Variants in PTPRO observed in about 807,000 individuals in gnomAD.
PTPRO encodes the protein receptor-type tyrosine-protein phosphatase O.
In PTPRO, 62 loss-of-function variants were observed where a neutral mutation model predicts 145.2. The ratio of observed to expected loss-of-function variants is 0.43; its 90% CI spans 0.35 to 0.53. PTPRO has a LOEUF of 0.53. Among genes scored for constraint, PTPRO ranks in the 20% least tolerant of loss-of-function variants. The probability of loss-of-function intolerance (pLI) is 0.01; values close to 1 mark genes in which losing one functional copy is unlikely to be tolerated. For synonymous variants in PTPRO, 565 were observed against 514.7 expected (o/e 1.10, Z -1.32); for missense variants, 1,345 against 1,482.7 (o/e 0.91, Z 1.53).
At chr12:15,573,182 C>T (rs1016924180) in intron 19 of PTPRO, among the ~76,000 whole-genome samples, 1 of 152,108 alleles carries the variant, frequency 6.6e-6, no homozygotes, top group Non-Finnish European at 1.5e-5. Flanking sequence ...GGCAGGCTGG[C>T]AGGCTGGAGA....
intron 23 of PTPRO, 141 bp downstream of exon 23, chr12:15,581,942 A>C (rs1196541572): frequency 2.6e-6 from 3 of 1,153,430 alleles, no homozygotes; most frequent in Admixed American, 4.0e-5. Context: ...GTGGGAAATC[A>C]GGGGTCTCAC....
intron 1 of PTPRO, among the ~76,000 whole-genome samples, chr12:15,436,539 A>C (rs1347503723): frequency 6.6e-6 from 1 of 152,202 alleles, no homozygotes; most frequent in African/African-American, 2.4e-5. Flanking sequence ...CTGGAGATCC[A>C]AGCAACCCAG....
chr12:15,513,091 A>G (rs568536745), intron 7 of PTPRO, among the ~76,000 whole-genome samples: 17 of 29,448 alleles, frequency 5.8e-4, no homozygotes, highest in African/African-American at 2.0e-3. Flanking sequence ...AAAGAAAGAA[A>G]GAAGAAAGAA....
intron 1 of PTPRO, among the ~76,000 whole-genome samples, chr12:15,412,242 T>C (rs1467405087): frequency 1.2e-4 from 18 of 152,248 alleles, no homozygotes; most frequent in Admixed American, 1.2e-3. Flanking sequence ...TTTTTAGAAA[T>C]TAGACATTTT....
intron 1 of PTPRO, among the ~76,000 whole-genome samples, chr12:15,355,591 A>G (rs1301049923): frequency 2.0e-5 from 3 of 152,228 alleles, no homozygotes; most frequent in African/African-American, 7.2e-5. Context: ...TGCAGAGGTG[A>G]AACTAAATTC....
intron 1 of PTPRO, among the ~76,000 whole-genome samples, chr12:15,364,655 A>G (rs926799051): frequency 2.0e-5 from 3 of 152,162 alleles, no homozygotes. Flanking sequence ...AACTTGTTTG[A>G]CAAGAAAGGG....
At chr12:15,452,162 A>G (rs543115539) in intron 1 of PTPRO, among the ~76,000 whole-genome samples, 1 of 152,302 alleles carries the variant, frequency 6.6e-6, no homozygotes, top group African/African-American at 2.4e-5. Flanking sequence ...AAAAGGAGAT[A>G]TTACAACTGA....
chr12:15,413,687 C>A (rs1013313633), intron 1 of PTPRO, among the ~76,000 whole-genome samples: 2 of 151,942 alleles, frequency 1.3e-5, no homozygotes, highest in Non-Finnish European at 2.9e-5. Context: ...TGGTAGCGCA[C>A]ACCTGTAGTC....
At chr12:15,343,181 T>C in intron 1 of PTPRO, among the ~76,000 whole-genome samples, 1 of 152,078 alleles carries the variant, frequency 6.6e-6, no homozygotes, top group East Asian at 1.9e-4. Context: ...GTTAAATTTC[T>C]TCTGCTTGTA....
chr12:15,389,353 C>G (rs775204828), intron 1 of PTPRO, among the ~76,000 whole-genome samples: 5 of 151,944 alleles, frequency 3.3e-5, no homozygotes, highest in Non-Finnish European at 5.9e-5. Context: ...ATGATCCGCC[C>G]GTCTCAGGCT....
At chr12:15,550,913 T>TA (rs1345985868) in intron 14 of PTPRO, among the ~76,000 whole-genome samples, 1 of 152,164 alleles carries the variant, frequency 6.6e-6, no homozygotes, top group African/African-American at 2.4e-5. Context: ...AGTCTTTATA[T>TA]AGAGTACATG....
chr12:15,415,045 A>G (rs1939908777), intron 1 of PTPRO, among the ~76,000 whole-genome samples: 2 of 152,204 alleles, frequency 1.3e-5, no homozygotes, highest in Admixed American at 1.3e-4. Context: ...CATGCATGGG[A>G]CGTTCTAACC....
chr12:15,384,530 T>C (rs1938962484), intron 1 of PTPRO, among the ~76,000 whole-genome samples: 1 of 152,160 alleles, frequency 6.6e-6, no homozygotes, highest in Admixed American at 6.5e-5. Context: ...ATGGCAGAGA[T>C]AGAGACTTCT....
At chr12:15,489,864 AG>A (rs1941964237) in intron 2 of PTPRO, among the ~76,000 whole-genome samples, 2 of 152,338 alleles carry the variant, frequency 1.3e-5, no homozygotes, top group Admixed American at 1.3e-4. Context: ...TGAAAAATAA[AG>A]GAAAATTTGC....
intron 1 of PTPRO, among the ~76,000 whole-genome samples, chr12:15,481,482 A>T (rs1941777917): frequency 6.6e-6 from 1 of 152,202 alleles, no homozygotes; most frequent in Admixed American, 6.5e-5. Context: ...ATTACATGAC[A>T]TAGTCCAATA....
intron 1 of PTPRO, among the ~76,000 whole-genome samples, chr12:15,346,149 C>T (rs764542754): frequency 1.3e-5 from 2 of 152,120 alleles, no homozygotes; most frequent in African/African-American, 2.4e-5. Context: ...TATTCTCTGA[C>T]AAACATATAA....
intron 1 of PTPRO, among the ~76,000 whole-genome samples, chr12:15,375,614 G>A (rs762945361): frequency 2.6e-5 from 4 of 151,882 alleles, no homozygotes; most frequent in Non-Finnish European, 5.9e-5. Flanking sequence ...AAATTAGCCA[G>A]GCACGGTGGT....
At chr12:15,416,325 C>CTTTT (rs33914934) in intron 1 of PTPRO, among the ~76,000 whole-genome samples, 1 of 143,676 alleles carries the variant, frequency 7.0e-6, no homozygotes, top group African/African-American at 2.7e-5. Context: ...CTCTCTCTTT[C>CTTTT]TTTTTTTTTT....
At chr12:15,557,401 C>A in intron 15 of PTPRO, 54 bp from the exon 16 acceptor site, 1 of 1,453,526 alleles carries the variant, frequency 6.9e-7, no homozygotes, top group Non-Finnish European at 9.7e-7. Flanking sequence ...TTTAGGTCAA[C>A]GTAAGAATGC....
Sources: gnomAD v4.1 joint callset for allele counts (sites outside exome capture counted in the v4.1 genomes callset) on GRCh38, gnomAD v4.1.1 for gene constraint, MANE v1.5 for transcripts, NCBI Gene and HGNC (gene_info 2026-07-23, HGNC 2026-07-21) for gene names.